CDH13: variants seen among roughly 807,000 people sequenced by gnomAD.
CDH13 encodes cadherin 13, also known as cadherin-13.
A neutral mutation model predicts 63.8 loss-of-function variants in CDH13; 24 were observed. That is an observed-to-expected ratio of 0.38 (90% CI 0.27 to 0.53). CDH13 has a LOEUF of 0.53. CDH13 is among the 20% of genes least tolerant of loss of function. The pLI is 0.85. For synonymous variants in CDH13, 503 were observed against 355.3 expected (o/e 1.42, Z -4.67); for missense variants, 1,049 against 903.1 (o/e 1.16, Z -2.07).
chr16:83,003,629 C>G (rs1275922184), intron 2 of CDH13, among the ~76,000 whole-genome samples: 2 of 152,148 alleles, frequency 1.3e-5, no homozygotes, highest in African/African-American at 4.8e-5. Flanking sequence ...ATATCATGTC[C>G]TGGAATGTTA....
chr16:83,017,408 T>A (rs1169561101), intron 2 of CDH13, among the ~76,000 whole-genome samples: 1 of 152,176 alleles, frequency 6.6e-6, no homozygotes, highest in Non-Finnish European at 1.5e-5. Context: ...AACATTTACT[T>A]TGGATACCAT....
chr16:82,643,864 C>G (rs1909732731), intron 1 of CDH13, among the ~76,000 whole-genome samples: 1 of 151,720 alleles, frequency 6.6e-6, no homozygotes, highest in East Asian at 1.9e-4. Flanking sequence ...TGCCTCAGTT[C>G]TGGAAATAGC....
At chr16:83,169,081 T>A (rs12599656) in intron 4 of CDH13, among the ~76,000 whole-genome samples, 17,963 of 152,132 alleles carry the variant, frequency 0.12, 2,462 homozygotes, top group African/African-American at 0.33. Flanking sequence ...AAAACATAAT[T>A]ATCAAACTTT....
At chr16:82,850,039 TCCATTTTTCAG>T (rs1033013571) in intron 1 of CDH13, among the ~76,000 whole-genome samples, 2 of 152,246 alleles carry the variant, frequency 1.3e-5, no homozygotes, top group Admixed American at 1.3e-4. Context: ...TAATATAATT[TCCATTTTTCAG>T]CCCGTGAATC....
At chr16:82,883,970 C>T (rs2040793822) in intron 2 of CDH13, among the ~76,000 whole-genome samples, 1 of 152,126 alleles carries the variant, frequency 6.6e-6, no homozygotes, top group Non-Finnish European at 1.5e-5. Context: ...CCTCAGTTTC[C>T]TCCTCTGTAA....
At chr16:83,598,078 G>C (rs1399078500) in intron 7 of CDH13, among the ~76,000 whole-genome samples, 1 of 152,166 alleles carries the variant, frequency 6.6e-6, no homozygotes, top group Non-Finnish European at 1.5e-5. Flanking sequence ...GTTAAAGAAA[G>C]AATTAGACCA....
intron 2 of CDH13, among the ~76,000 whole-genome samples, chr16:83,022,361 C>T (rs1051913806): frequency 1.3e-5 from 2 of 152,216 alleles, no homozygotes; most frequent in Non-Finnish European, 2.9e-5. Context: ...AACAGACAAT[C>T]TACATTCTTA....
At chr16:83,363,723 A>G (rs940244629) in intron 6 of CDH13, among the ~76,000 whole-genome samples, 8 of 152,192 alleles carry the variant, frequency 5.3e-5, no homozygotes, top group Admixed American at 2.0e-4. Context: ...AGCCTGGCAC[A>G]TGGGAGGTGG....
intron 2 of CDH13, among the ~76,000 whole-genome samples, chr16:82,938,807 G>A (rs2042745858): frequency 6.6e-6 from 1 of 152,222 alleles, no homozygotes; most frequent in Non-Finnish European, 1.5e-5. Context: ...TGGAAGTAAT[G>A]TAGAAGACAC....
chr16:83,693,888 C>T (rs1300937667), intron 10 of CDH13, among the ~76,000 whole-genome samples: 1 of 152,190 alleles, frequency 6.6e-6, no homozygotes, highest in Non-Finnish European at 1.5e-5. Context: ...GTTGTAGATA[C>T]TCTGTCACCC....
At chr16:83,471,554 G>A (rs1224925125) in intron 6 of CDH13, among the ~76,000 whole-genome samples, 5 of 152,116 alleles carry the variant, frequency 3.3e-5, no homozygotes, top group Non-Finnish European at 4.4e-5. Flanking sequence ...GATTACAGGC[G>A]TGAGCCACCT....
rs140216697 is a variant in CDH13, at chr16:82,942,339, G to T, written c.157+83866G>T. On this transcript the variant is annotated intron_variant, in intron 2 of 13. Coordinates refer to ENST00000567109, the MANE Select transcript of CDH13 (RefSeq NM_001257.5). ...TAACCAATATGTGTGATCTATTTCC[G>T]CACTGTCTTTCCCTGGTCTTTATAT... Among the ~76,000 whole-genome samples the T allele has an allele frequency of 6.2e-4, 94 of 152,254 alleles. 2 individuals are homozygous for T. The East Asian group carries it at 0.015, about 24-fold the overall frequency.
At chr16:83,286,209 A>G (rs1048834021) in intron 5 of CDH13, among the ~76,000 whole-genome samples, 6 of 152,132 alleles carry the variant, frequency 3.9e-5, no homozygotes, top group African/African-American at 1.4e-4. Flanking sequence ...ACCTGGGTGG[A>G]CCTTCACTCT....
chr16:82,645,070 A>G (rs1443019650), intron 1 of CDH13, among the ~76,000 whole-genome samples: 1 of 152,172 alleles, frequency 6.6e-6, no homozygotes. Flanking sequence ...CCTGAGGTTA[A>G]GGAAACTCTT....
chr16:83,105,732 AC>A (rs1206399452), intron 3 of CDH13, among the ~76,000 whole-genome samples: 2 of 152,092 alleles, frequency 1.3e-5, no homozygotes, highest in African/African-American at 2.4e-5. Context: ...GATAGAAACC[AC>A]CCCCAAATCA....
At chr16:83,455,654 C>T (rs1426169919) in intron 6 of CDH13, among the ~76,000 whole-genome samples, 1 of 152,162 alleles carries the variant, frequency 6.6e-6, no homozygotes, top group Admixed American at 6.5e-5. Flanking sequence ...TCTCTAAGAA[C>T]CTTGAGCTTT....
intron 2 of CDH13, among the ~76,000 whole-genome samples, chr16:82,860,765 T>C (rs955334588): frequency 6.6e-6 from 1 of 152,170 alleles, no homozygotes; most frequent in African/African-American, 2.4e-5. Flanking sequence ...GGAAGAAAAT[T>C]GTCATAGACT....
intron 6 of CDH13, among the ~76,000 whole-genome samples, chr16:83,461,810 G>C (rs1388436739): frequency 6.6e-6 from 1 of 152,196 alleles, no homozygotes; most frequent in Non-Finnish European, 1.5e-5. Flanking sequence ...ATGTATAAGA[G>C]CTATAGTGGA....
Position 83,164,483 on chromosome 16 carries a change from C to A in CDH13, c.483+38982C>A, listed in dbSNP as rs2037578025. On this transcript the variant is annotated intron_variant, in intron 4 of 13. Transcript: ENST00000567109. ...TCCTTCAAGTCTGTTTCAGAAATGT[C>A]TAGGGGCCCCACAGATCTCCTGAGG... Among the ~76,000 whole-genome samples the A allele has an allele frequency of 2.6e-5, 4 of 151,996 alleles. 1 individual carries two copies. In the South Asian group the frequency reaches 8.3e-4, roughly 32 times the overall value.
Sources: gnomAD v4.1 joint callset for allele counts (sites outside exome capture counted in the v4.1 genomes callset) on GRCh38, gnomAD v4.1.1 for gene constraint, MANE v1.5 for transcripts, NCBI Gene and HGNC (gene_info 2026-07-23, HGNC 2026-07-21) for gene names.